The following FTCDNL1 variants were observed in gnomAD, a reference collection of about 807,000 sequenced individuals.
FTCDNL1 encodes formiminotransferase cyclodeaminase N-terminal like.
In FTCDNL1, 11 loss-of-function variants were observed where a neutral mutation model predicts 5.9. That is an observed-to-expected ratio of 1.87 (90% confidence interval 1.18 to 3.10). FTCDNL1 has a LOEUF of 3.10. Ranked by LOEUF, FTCDNL1 falls within the 30% of genes most tolerant of loss-of-function variation. The probability of loss-of-function intolerance (pLI) is 0.00; values close to 1 mark genes in which losing one functional copy is unlikely to be tolerated. For synonymous variants in FTCDNL1, 58 were observed against 24.8 expected, an observed-to-expected ratio of 2.34 and a Z score of -3.99; for missense variants, 115 against 65.5, an observed-to-expected ratio of 1.76 and a Z score of -2.61.
At chr2:199,800,860 T>C (rs929084324) in intron 3 of FTCDNL1, among the ~76,000 whole-genome samples, 2 of 152,198 alleles carry the variant, frequency 1.3e-5, no homozygotes, top group African/African-American at 2.4e-5. Context: ...CCTATGATTA[T>C]CACAAAAAAT....
At chr2:199,795,495 T>A (rs1387573099) in intron 3 of FTCDNL1, among the ~76,000 whole-genome samples, 2 of 152,202 alleles carry the variant, frequency 1.3e-5, no homozygotes, top group Admixed American at 6.5e-5. Context: ...ATATGAACAT[T>A]TTTCCATTTC....
the FTCDNL1 span, among the ~76,000 whole-genome samples, chr2:199,724,278 CTTTTT>C: frequency 1.1e-4 from 16 of 151,924 alleles, no homozygotes; most frequent in East Asian, 1.2e-3. Context: ...TCTCTCTTTT[CTTTTT>C]TATTAATCTA....
chr2:199,799,549 G>A (rs1049831661), intron 3 of FTCDNL1, among the ~76,000 whole-genome samples: 67 of 152,310 alleles, frequency 4.4e-4, no homozygotes, highest in African/African-American at 1.4e-3. Flanking sequence ...AACCTCATCC[G>A]AAGTGAAGAG....
At chr2:199,675,562 CT>C in the FTCDNL1 span, among the ~76,000 whole-genome samples, 2 of 151,284 alleles carry the variant, frequency 1.3e-5, no homozygotes, top group Non-Finnish European at 3.0e-5. Flanking sequence ...ATTTTTTTTT[CT>C]CTCATAAAGG....
At chr2:199,733,575 A>G in the FTCDNL1 span, among the ~76,000 whole-genome samples, 5 of 152,190 alleles carry the variant, frequency 3.3e-5, no homozygotes, top group Non-Finnish European at 7.3e-5. Flanking sequence ...TATCTAGGAA[A>G]GCAGGAAGAG....
the FTCDNL1 span, among the ~76,000 whole-genome samples, chr2:199,717,235 C>T: frequency 7.2e-5 from 11 of 152,160 alleles, no homozygotes; most frequent in Admixed American, 2.6e-4. Context: ...ATTGCCATGT[C>T]GGGCATCAGA....
intron 3 of FTCDNL1, among the ~76,000 whole-genome samples, chr2:199,764,487 C>T (rs781397441): frequency 3.9e-5 from 6 of 152,158 alleles, no homozygotes; most frequent in Non-Finnish European, 8.8e-5. Context: ...TGCTAATATT[C>T]GTGATTCAGC....
chr2:199,827,591 G>A (rs1385763482), intron 3 of FTCDNL1, among the ~76,000 whole-genome samples: 1 of 151,864 alleles, frequency 6.6e-6, no homozygotes, highest in Non-Finnish European at 1.5e-5. Flanking sequence ...ATGATCTTTG[G>A]AATTTGCTTT....
chr2:199,708,271 CAT>C, the FTCDNL1 span, among the ~76,000 whole-genome samples: 4 of 152,064 alleles, frequency 2.6e-5, no homozygotes, highest in Non-Finnish European at 5.9e-5. Flanking sequence ...AGAAGTTCCA[CAT>C]GATTACTTTT....
chr2:199,729,972 C>T, the FTCDNL1 span, among the ~76,000 whole-genome samples: 1 of 152,096 alleles, frequency 6.6e-6, no homozygotes, highest in African/African-American at 2.4e-5. Flanking sequence ...CTACAGTAAC[C>T]AAAGCAGCAT....
the FTCDNL1 span, among the ~76,000 whole-genome samples, chr2:199,694,094 G>A: frequency 6.6e-6 from 1 of 152,074 alleles, no homozygotes; most frequent in Admixed American, 6.6e-5. Flanking sequence ...AAAGAAATGT[G>A]AGAAAAAAGG....
intron 3 of FTCDNL1, among the ~76,000 whole-genome samples, chr2:199,775,619 G>A (rs1187780655): frequency 6.6e-6 from 1 of 152,280 alleles, no homozygotes; most frequent in Non-Finnish European, 1.5e-5. Context: ...ACGCTCATGT[G>A]CCTAGCTGCT....
intron 3 of FTCDNL1, among the ~76,000 whole-genome samples, chr2:199,765,739 C>T (rs980897109): frequency 4.0e-5 from 6 of 151,284 alleles, no homozygotes; most frequent in African/African-American, 1.5e-4. Flanking sequence ...GACCGGGTTT[C>T]ACCGTGTTGC....
chr2:199,785,311 G>A (rs1396091561), intron 3 of FTCDNL1, among the ~76,000 whole-genome samples: 8 of 123,444 alleles, frequency 6.5e-5, no homozygotes, highest in South Asian at 5.7e-4. Flanking sequence ...GCAGTGGTGC[G>A]ATCTCAGCTC....
chr2:199,701,352 A>C, the FTCDNL1 span, among the ~76,000 whole-genome samples: 1 of 109,686 alleles, frequency 9.1e-6, no homozygotes, highest in African/African-American at 2.8e-5. Flanking sequence ...AAAAAAAAAA[A>C]CCACCGCATG....
chr2:199,785,128 T>C (rs1262718183), intron 3 of FTCDNL1, among the ~76,000 whole-genome samples: 1 of 152,178 alleles, frequency 6.6e-6, no homozygotes, highest in East Asian at 1.9e-4. Flanking sequence ...TTCTGCTTTA[T>C]TGACTGTTTG....
chr2:199,745,536 T>C, the FTCDNL1 span, among the ~76,000 whole-genome samples: 4 of 152,208 alleles, frequency 2.6e-5, no homozygotes, highest in Non-Finnish European at 5.9e-5. Context: ...TCTTTTCCCA[T>C]AGCACTCGTA....
chr2:199,832,579 A>G (rs1015089793), intron 3 of FTCDNL1, among the ~76,000 whole-genome samples: 3 of 152,214 alleles, frequency 2.0e-5, no homozygotes, highest in Non-Finnish European at 2.9e-5. Context: ...CACTTCAGAC[A>G]TCTCTTGCTC....
At chr2:199,819,468 C>T in intron 4 of FTCDNL1, 104 bp downstream of exon 4, 1 of 637,218 alleles carries the variant, frequency 1.6e-6, no homozygotes. Context: ...AAGAAGCAGC[C>T]ACCCCTATAA....
Sources: allele counts gnomAD v4.1 joint callset (sites outside exome capture counted in the v4.1 genomes callset), GRCh38; gene constraint gnomAD v4.1.1; transcripts MANE v1.5; gene names NCBI Gene and HGNC (gene_info 2026-07-23, HGNC 2026-07-21).